Variants in MGAT1 observed in about 807,000 individuals in gnomAD.
The protein encoded by MGAT1 is alpha-1,3-mannosyl-glycoprotein 2-beta-N-acetylglucosaminyltransferase, also known as N-glycosyl-oligosaccharide-glycoprotein N-acetylglucosaminyltransferase I.
A neutral mutation model predicts 31.7 loss-of-function variants in MGAT1; 14 were observed. The observed-to-expected ratio is 0.44, with a 90% CI of 0.29 to 0.69. MGAT1 has a LOEUF of 0.69. Among genes scored for constraint, MGAT1 ranks in the 30% least tolerant of loss-of-function variants. The pLI is 0.12. For synonymous variants in MGAT1, 338 were observed against 276.0 expected, an observed-to-expected ratio of 1.22 and a Z score of -2.23; for missense variants, 557 against 626.0, an observed-to-expected ratio of 0.89 and a Z score of 1.18.
rs989766686 is a variant in MGAT1, at chr5:180,785,169, C to T, written c.*6465G>A. On this transcript the variant is annotated 3_prime_UTR_variant, in exon 2 of 2. Coordinates refer to ENST00000307826, the MANE Select transcript of MGAT1 (RefSeq NM_002406.4). Reference sequence around the variant, plus strand: ...TCTCCTAGATGACACTGCTCCCCACCCTTGGATGCTGATGAGTAAATGTTT... The same window carrying T: ...TCTCCTAGATGACACTGCTCCCCACTCTTGGATGCTGATGAGTAAATGTTT... 1 of 152,232 alleles carries T rather than the reference C, an allele frequency of 6.6e-6. No individual in the cohort carries two copies. Among genetic ancestry groups the T allele is most frequent in the African/African-American group, 2.4e-5 (1 of 41,468 alleles). The allele number at this position is 152,232 out of a possible 1,614,324, so 9.4% of individuals were successfully genotyped here.
rs929442972 is a variant in MGAT1 at position 180,797,406 on chromosome 5, CAAAA to C, written c.-126-4313_-126-4310del. ...GATGAAGCAAGACTCCATCCCCCAC[CAAAA>C]AAAAAAAAAAAAAAAAAAAGGGGGG... is the stretch of plus-strand genomic sequence containing the variant. On this transcript the variant is annotated intron_variant, in intron 1 of 1. Coordinates refer to ENST00000307826, the MANE Select transcript of MGAT1 (RefSeq NM_002406.4). Among the ~76,000 whole-genome samples, 202 of 52,270 alleles carry C rather than the reference CAAAA, an allele frequency of 3.9e-3. 1 individual carries two copies. The highest frequency in any genetic ancestry group is 0.013 in the African/African-American group (174 of 13,632). The allele number at this position is 52,270 out of a possible 152,430, so 34.3% of individuals were successfully genotyped here.
rs77019760 is a variant in MGAT1, at chr5:180,813,549, C to T, written c.-546+1865G>A. On this transcript the variant is annotated intron_variant, in intron 1 of 2. Transcript: ENST00000333055. Reference sequence around the variant, plus strand: ...GGGCCAAAAGTCTGGTCTTGCTGTACATACTGCCTTCAGAATAAACACTTA... The same window carrying T: ...GGGCCAAAAGTCTGGTCTTGCTGTATATACTGCCTTCAGAATAAACACTTA... Among the ~76,000 whole-genome samples the T allele has an allele frequency of 6.9e-3, 1,056 of 152,308 alleles. 24 individuals are homozygous for T. The highest frequency in any genetic ancestry group is 0.024 in the African/African-American group (1,008 of 41,562).
intron 1 of MGAT1, among the ~76,000 whole-genome samples, chr5:180,797,890 G>A (rs74806073): frequency 0.034 from 4,074 of 118,536 alleles, 173 homozygotes; most frequent in African/African-American, 0.12. Context: ...GTTTATCCAC[G>A]TAGTTCCTGG....
intron 1 of MGAT1, chr5:180,795,846 G>A (rs62405453): frequency 0.12 from 18,947 of 152,122 alleles, 1,258 homozygotes; most frequent in East Asian, 0.25. Flanking sequence ...ACCTGACGAC[G>A]TGTATCACAC....
intron 1 of MGAT1, chr5:180,809,138 CCTT>C (rs1268091702): frequency 6.6e-6 from 1 of 152,112 alleles, no homozygotes; most frequent in Non-Finnish European, 1.5e-5. Context: ...AGTCCTAAAA[CCTT>C]CTAGTTTCCA....
At position 180,791,504 on chromosome 5, in the gene MGAT1, C is replaced by A. The variant is rs933182308; in HGVS notation, c.*130G>T. On this transcript the variant is annotated 3_prime_UTR_variant, in exon 2 of 2. Transcript: ENST00000307826. ...TTGTTATCATTTGTGCACTTAAATG[C>A]CACTCGGAAAAATCAAAAAGATAAA... The A allele has an allele frequency of 3.6e-5, 41 of 1,144,236 alleles. No individual in the cohort carries two copies. Among genetic ancestry groups the A allele is most frequent in the Non-Finnish European group, 5.0e-5 (40 of 800,806 alleles). 70.9% of individuals were successfully genotyped at this position (1,144,236 alleles called of 1,614,324 possible).
At chr5:180,802,326 G>A (rs1021986495) in intron 1 of MGAT1, among the ~76,000 whole-genome samples, 1 of 152,220 alleles carries the variant, frequency 6.6e-6, no homozygotes, top group African/African-American at 2.4e-5. Context: ...GGATGCTGGA[G>A]TGAGGTTAGG....
chr5:180,794,886 A>T (rs1245628959), intron 1 of MGAT1, among the ~76,000 whole-genome samples: 1 of 152,200 alleles, frequency 6.6e-6, no homozygotes, highest in Non-Finnish European at 1.5e-5. Context: ...AGGAGTGTTG[A>T]TGGTAACTTT....
At chr5:180,797,406 C>CAAAAA (rs929442972) in intron 1 of MGAT1, among the ~76,000 whole-genome samples, 13 of 52,312 alleles carry the variant, frequency 2.5e-4, no homozygotes, top group Non-Finnish European at 4.2e-4. Flanking sequence ...CATCCCCCAC[C>CAAAAA]AAAAAAAAAA....
chr5:180,815,187 C>T (rs750585085), intron 1 of MGAT1, among the ~76,000 whole-genome samples: 1 of 152,062 alleles, frequency 6.6e-6, no homozygotes, highest in African/African-American at 2.4e-5. Context: ...TCTTATAAAG[C>T]CGCCAGTTCT....
chr5:180,793,055 G>C lies in MGAT1; in HGVS notation c.-84C>G. The C allele has an allele frequency of 6.6e-7, 1 of 1,521,476 alleles. No individual in the cohort carries two copies. The highest frequency in any genetic ancestry group is 8.9e-7 in the Non-Finnish European group (1 of 1,120,372). The allele number at this position is 1,521,476 out of a possible 1,614,324, so 94.2% of individuals were successfully genotyped here. On this transcript the variant is annotated 5_prime_UTR_variant, in exon 2 of 2. Coordinates refer to ENST00000307826, the MANE Select transcript of MGAT1 (RefSeq NM_002406.4). ...CCGGCTCCCTTGCCCGCAGTCCTAG[G>C]GATGCCTCCTCTGGACTATGGGATT...
rs918722824 is a variant in MGAT1 at position 180,789,946 on chromosome 5, A to G, written c.*1688T>C. The G allele has an allele frequency of 3.3e-5, 5 of 152,282 alleles. No homozygotes were observed. The highest frequency in any genetic ancestry group is 1.3e-4 in the Admixed American group (2 of 15,298). 9.4% of individuals were successfully genotyped at this position (152,282 alleles called of 1,614,324 possible). On this transcript the variant is annotated 3_prime_UTR_variant, in exon 2 of 2. Transcript: ENST00000307826. ...CGCCCGGCCGCGTTTTGTTCTTTTAAATGAATTAGTGGAGAACAGAAACTC... is the reference window on the plus strand; with the variant it reads ...CGCCCGGCCGCGTTTTGTTCTTTTAGATGAATTAGTGGAGAACAGAAACTC...
At chr5:180,802,540 G>C (rs944193520) in intron 1 of MGAT1, 140 bp downstream of exon 1, 3 of 152,270 alleles carry the variant, frequency 2.0e-5, no homozygotes, top group Non-Finnish European at 4.4e-5. Flanking sequence ...GGGTCGGACC[G>C]GGCCGCTCCC....
rs542499791 is a variant in MGAT1, at chr5:180,798,313, G to T, written c.-127+4367C>A. Reference sequence around the variant, plus strand: ...CCCCAACAGCCAAGCCTACCGTCGGGGTCTTTGCATGTGCCCATGTGCCAG... The same window carrying T: ...CCCCAACAGCCAAGCCTACCGTCGGTGTCTTTGCATGTGCCCATGTGCCAG... On this transcript the variant is annotated intron_variant, in intron 1 of 1. Transcript: ENST00000307826. 2.0e-5 allele frequency among the ~76,000 whole-genome samples: 3 copies of T among 152,210 alleles called. No individual in the cohort carries two copies. The East Asian group carries it at 5.8e-4, about 29-fold the overall frequency.
upstream of MGAT1, among the ~76,000 whole-genome samples, chr5:180,804,582 G>A (rs570972065): frequency 2.6e-5 from 4 of 152,364 alleles, no homozygotes; most frequent in East Asian, 7.7e-4. Context: ...TGTCACCTCT[G>A]CCCTATGTTT....
chr5:180,806,546 G>A (rs532310971), upstream of MGAT1, among the ~76,000 whole-genome samples: 1 of 152,294 alleles, frequency 6.6e-6, no homozygotes, highest in South Asian at 2.1e-4. Context: ...TCTCCCTGGA[G>A]GTTTGCAGCA....
intron 1 of MGAT1, among the ~76,000 whole-genome samples, chr5:180,799,926 G>A (rs1770366487): frequency 1.3e-5 from 2 of 152,120 alleles, no homozygotes; most frequent in African/African-American, 2.4e-5. Context: ...GACCCCCATA[G>A]GTATTCCAAC....
At chr5:180,800,115 G>A (rs1561853288) in intron 1 of MGAT1, among the ~76,000 whole-genome samples, 1 of 152,274 alleles carries the variant, frequency 6.6e-6, no homozygotes, top group East Asian at 1.9e-4. Context: ...AAGTTCTGGG[G>A]TGACTCATTA....
At chr5:180,811,141 G>T (rs1341932322) in intron 1 of MGAT1, 1 of 152,244 alleles carries the variant, frequency 6.6e-6, no homozygotes, top group Non-Finnish European at 1.5e-5. Context: ...CGAGAATCTT[G>T]CCGGACTGGG....
Sources: allele counts gnomAD v4.1 joint callset (sites outside exome capture counted in the v4.1 genomes callset), GRCh38; gene constraint gnomAD v4.1.1; transcripts MANE v1.5; gene names NCBI Gene and HGNC (gene_info 2026-07-23, HGNC 2026-07-21).